The following LARGE1 variants were observed in gnomAD, a reference collection of about 807,000 sequenced individuals.
LARGE1 encodes LARGE xylosyl- and glucuronyltransferase 1.
In LARGE1, 43 loss-of-function variants were observed where a neutral mutation model predicts 87.6. The ratio of observed to expected loss-of-function variants is 0.49; its 90% CI spans 0.38 to 0.63. LARGE1 has a LOEUF of 0.63. Ranked by LOEUF, LARGE1 falls within the 30% of genes least tolerant of loss-of-function variation. The pLI is 0.00. For synonymous variants in LARGE1, 434 were observed against 394.6 expected, an observed-to-expected ratio of 1.10 and a Z score of -1.18; for missense variants, 802 against 1,000.2, an observed-to-expected ratio of 0.80 and a Z score of 2.67.
chr22:33,803,018 C>A (rs2086209403), intron 1 of LARGE1, among the ~76,000 whole-genome samples: 1 of 152,124 alleles, frequency 6.6e-6, no homozygotes, highest in Admixed American at 6.6e-5. Context: ...GTGGATAGAT[C>A]AACACACAAA....
intron 6 of LARGE1, among the ~76,000 whole-genome samples, chr22:33,552,518 T>C (rs987013776): frequency 7.3e-5 from 11 of 151,692 alleles, no homozygotes; most frequent in African/African-American, 2.7e-4. Flanking sequence ...GGTCAAACAA[T>C]AAAAGTTGAT....
chr22:33,199,534 A>G (rs1475958960), intron 11 of LARGE1, among the ~76,000 whole-genome samples: 2 of 152,170 alleles, frequency 1.3e-5, no homozygotes, highest in Middle Eastern at 3.2e-3. Context: ...TAATTTTTGT[A>G]TATGGTGAGA....
At chr22:33,464,209 C>G (rs534600053) in intron 6 of LARGE1, among the ~76,000 whole-genome samples, 5 of 152,256 alleles carry the variant, frequency 3.3e-5, no homozygotes, top group African/African-American at 1.2e-4. Flanking sequence ...GAACAAATCA[C>G]TACCATACAA....
intron 2 of LARGE1, among the ~76,000 whole-genome samples, chr22:33,661,645 C>T (rs1484603607): frequency 6.6e-6 from 1 of 152,066 alleles, no homozygotes; most frequent in African/African-American, 2.4e-5. Context: ...AAGCCCTGAC[C>T]CCATTCATTC....
chr22:33,688,363 T>C (rs2082002313), intron 2 of LARGE1, among the ~76,000 whole-genome samples: 1 of 152,186 alleles, frequency 6.6e-6, no homozygotes, highest in Non-Finnish European at 1.5e-5. Flanking sequence ...TATTTTTTCT[T>C]TTTTTGAGAC....
chr22:33,545,099 A>G (rs1569255992), intron 6 of LARGE1, among the ~76,000 whole-genome samples: 1 of 152,156 alleles, frequency 6.6e-6, no homozygotes, highest in African/African-American at 2.4e-5. Flanking sequence ...CCACAACAAC[A>G]AAAAGAAAAA....
chr22:33,415,582 T>C (rs1041348892), intron 7 of LARGE1, among the ~76,000 whole-genome samples: 2 of 152,190 alleles, frequency 1.3e-5, no homozygotes, highest in Non-Finnish European at 2.9e-5. Context: ...GAAAACTCTC[T>C]AGCTGCTCAG....
At chr22:33,161,093 C>A (rs1922006885), downstream of LARGE1, among the ~76,000 whole-genome samples, 1 of 152,068 alleles carries the variant, frequency 6.6e-6, no homozygotes, top group Admixed American at 6.5e-5. Flanking sequence ...ATGGAAGGGA[C>A]CTCTTCACAG....
intron 6 of LARGE1, among the ~76,000 whole-genome samples, chr22:33,446,033 T>C (rs1284743484): frequency 3.3e-5 from 5 of 152,142 alleles, no homozygotes; most frequent in Admixed American, 6.5e-5. Flanking sequence ...AATTAGAGGG[T>C]TGGATCTTTG....
intron 6 of LARGE1, among the ~76,000 whole-genome samples, chr22:33,450,664 T>C (rs1008784920): frequency 6.6e-5 from 10 of 152,048 alleles, no homozygotes; most frequent in African/African-American, 2.4e-4. Flanking sequence ...GTTAAAAATA[T>C]TACACCTGGA....
chr22:33,406,346 A>C lies in LARGE1; in HGVS notation c.893-22042T>G, dbSNP rs148917023. ...GCGCAGTCCCATCCCTTGAGATCCG[A>C]CCCACAAAGCTGCTCCTTAAACAAT... On this transcript the variant is annotated intron_variant, in intron 7 of 14. Transcript: ENST00000397394. Among the ~76,000 whole-genome samples the C allele has an allele frequency of 1.5e-3, 232 of 152,062 alleles. 2 individuals carry two copies. The highest frequency in any genetic ancestry group is 5.4e-3 in the African/African-American group (222 of 41,474).
At chr22:33,693,223 C>G (rs139073071) in intron 2 of LARGE1, among the ~76,000 whole-genome samples, 1,947 of 152,224 alleles carry the variant, frequency 0.013, 38 homozygotes, top group African/African-American at 0.044. Context: ...AAGAGCAGTA[C>G]AGTGGACACT....
intron 5 of LARGE1, among the ~76,000 whole-genome samples, chr22:33,571,043 A>G (rs1186484646): frequency 6.6e-6 from 1 of 152,182 alleles, no homozygotes; most frequent in Non-Finnish European, 1.5e-5. Flanking sequence ...GGGTTCGTGT[A>G]ATTAAAATGA....
intron 6 of LARGE1, among the ~76,000 whole-genome samples, chr22:33,435,168 A>T (rs969460944): frequency 2.6e-5 from 4 of 151,998 alleles, no homozygotes; most frequent in Non-Finnish European, 5.9e-5. Flanking sequence ...TGTCTGGCTA[A>T]TTTTTGTATT....
At chr22:33,649,023 C>G (rs1217808641) in intron 3 of LARGE1, among the ~76,000 whole-genome samples, 1 of 152,150 alleles carries the variant, frequency 6.6e-6, no homozygotes, top group African/African-American at 2.4e-5. Context: ...GCTGAAGGAC[C>G]AACTTGTGAC....
chr22:33,580,302 G>A (rs1490514032), intron 5 of LARGE1, among the ~76,000 whole-genome samples: 5 of 151,898 alleles, frequency 3.3e-5, no homozygotes, highest in Middle Eastern at 3.4e-3. Flanking sequence ...CCCAGGTGGC[G>A]GAGGTTGCGG....
chr22:33,588,508 T>C (rs1166812775), intron 5 of LARGE1, among the ~76,000 whole-genome samples: 3 of 100,484 alleles, frequency 3.0e-5, no homozygotes, highest in Non-Finnish European at 6.1e-5. Flanking sequence ...CATATATGTG[T>C]GCGTGTGTGT....
intron 11 of LARGE1, among the ~76,000 whole-genome samples, chr22:33,232,692 T>C (rs1374995440): frequency 6.6e-6 from 1 of 152,132 alleles, no homozygotes; most frequent in Non-Finnish European, 1.5e-5. Flanking sequence ...GGAGTCTAGT[T>C]GACAGAAATG....
At chr22:33,855,893 C>T (rs1003565056) in intron 1 of LARGE1, among the ~76,000 whole-genome samples, 4 of 152,188 alleles carry the variant, frequency 2.6e-5, no homozygotes, top group African/African-American at 9.7e-5. Flanking sequence ...CATCTCTTCA[C>T]ATGCCCCCTT....
Sources: allele counts gnomAD v4.1 joint callset (sites outside exome capture counted in the v4.1 genomes callset), GRCh38; gene constraint gnomAD v4.1.1; transcripts MANE v1.5; gene names NCBI Gene and HGNC (gene_info 2026-07-23, HGNC 2026-07-21).